Variants in RAB5IF observed in about 807,000 individuals in gnomAD.
The protein encoded by RAB5IF is GEL complex subunit OPTI.
A neutral mutation model predicts 20.3 loss-of-function variants in RAB5IF; 15 were observed. That is an observed-to-expected ratio of 0.74 (90% CI 0.50 to 1.14). RAB5IF has a LOEUF of 1.14. RAB5IF is among the 50% of genes most tolerant of loss of function. The pLI is 0.00. For synonymous variants in RAB5IF, 67 were observed against 63.7 expected, an observed-to-expected ratio of 1.05 and a Z score of -0.25; for missense variants, 148 against 159.5, an observed-to-expected ratio of 0.93 and a Z score of 0.39.
intron 3 of RAB5IF, among the ~76,000 whole-genome samples, chr20:36,610,044 A>T (rs1394472437): frequency 6.6e-6 from 1 of 152,234 alleles, no homozygotes; most frequent in Non-Finnish European, 1.5e-5. Context: ...GCATTTTGGG[A>T]GGGCAAGGCA....
chr20:36,609,662 G>A lies in RAB5IF; in HGVS notation c.280G>A (p.Glu94Lys). The change falls in exon 3 of 4, where the codon GAG becomes AAG. Residue 94 changes from glutamate to lysine, a missense_variant. Transcript: ENST00000344795. ...LYFSNYLQID[E>K]EEYGGTWELT... Reference sequence around the variant, plus strand: ...CTTCAGCAATTACCTACAGATTGATGAGGAAGAATATGGTGGCACGTGGGA... The same window carrying A: ...CTTCAGCAATTACCTACAGATTGATAAGGAAGAATATGGTGGCACGTGGGA... 6.2e-7 allele frequency: 1 copy of A among 1,613,928 alleles called. No homozygotes were observed. The highest frequency in any genetic ancestry group is 8.5e-7 in the Non-Finnish European group (1 of 1,179,866).
chr20:36,611,074 C>CT (rs759187268), intron 3 of RAB5IF, among the ~76,000 whole-genome samples: 14 of 152,190 alleles, frequency 9.2e-5, no homozygotes, highest in Non-Finnish European at 1.9e-4. Flanking sequence ...ACTGCAGCCT[C>CT]TGCCTCCCAT....
intron 2 of RAB5IF, among the ~76,000 whole-genome samples, chr20:36,608,556 CTT>C (rs34058641): frequency 7.6e-4 from 80 of 104,872 alleles, no homozygotes; most frequent in African/African-American, 1.6e-3. Flanking sequence ...CGGTCTCATT[CTT>C]TTTTTTTTTT....
intron 2 of RAB5IF, 91 bp downstream of exon 2, chr20:36,607,909 G>A (rs771009540): frequency 2.7e-5 from 43 of 1,570,840 alleles, no homozygotes. Context: ...TTGCTGCTCT[G>A]GAGCTGTGTG....
intron 2 of RAB5IF, among the ~76,000 whole-genome samples, chr20:36,609,156 T>TACATACATATACAC: frequency 1.2e-4 from 2 of 17,064 alleles, no homozygotes; most frequent in African/African-American, 4.9e-4. Flanking sequence ...AGAACTATAT[T>TACATACATATACAC]ACACACACAC....
In RAB5IF at chr20:36,609,220, C is replaced by T. The variant is rs1323608733; in HGVS notation, c.219-381C>T. 3.6e-3 allele frequency among the ~76,000 whole-genome samples: 364 copies of T among 99,846 alleles called. 14 individuals are homozygous for T. Among genetic ancestry groups the T allele is most frequent in the African/African-American group, 0.015 (319 of 20,606 alleles). 65.5% of individuals were successfully genotyped at this position (99,846 alleles called of 152,430 possible). A position where few individuals can be genotyped will look rare whatever the true frequency, so the allele number is the denominator to read the frequency against. ...GCACACACGCACACACGCACACACG[C>T]ACACACACACACACACACACACACA... is the stretch of plus-strand genomic sequence containing the variant. On this transcript the variant is annotated intron_variant, in intron 2 of 3. Coordinates refer to ENST00000344795, the MANE Select transcript of RAB5IF (RefSeq NM_018840.5).
At chr20:36,609,248 C>T (rs1028725462) in intron 2 of RAB5IF, among the ~76,000 whole-genome samples, 196 of 135,164 alleles carry the variant, frequency 1.5e-3, no homozygotes, top group African/African-American at 6.0e-3. Context: ...CACACACACA[C>T]ACACACACTA....
chr20:36,607,852 C>T (rs764818142), intron 2 of RAB5IF, 34 bp downstream of exon 2: 2 of 1,611,188 alleles, frequency 1.2e-6, no homozygotes, highest in South Asian at 2.2e-5. Context: ...TTCATGGTAT[C>T]ATTTCTTTTT....
chr20:36,610,021 G>A (rs1370659536), intron 3 of RAB5IF, among the ~76,000 whole-genome samples: 2 of 152,202 alleles, frequency 1.3e-5, no homozygotes. Flanking sequence ...GGTGGCTCAC[G>A]CCTGTAATCC....
chr20:36,609,156 TACACACACACACACACACAC>T (rs765034845), intron 2 of RAB5IF, among the ~76,000 whole-genome samples: 2 of 17,052 alleles, frequency 1.2e-4, no homozygotes, highest in Non-Finnish European at 2.3e-4. Context: ...AGAACTATAT[TACACACACACACACACACAC>T]ACACACACAC....
Position 36,605,784 on chromosome 20 carries a change from G to T in RAB5IF, c.-168G>T. On this transcript the variant is annotated 5_prime_UTR_variant, in exon 1 of 4. Transcript: ENST00000344795. ...CCCTTCGCGGCGCCTGCTCTGTAGA[G>T]CCGGCGGAACCGGGTAGCTTGGCCA... is the stretch of plus-strand genomic sequence containing the variant. 2.5e-6 allele frequency: 1 copy of T among 395,952 alleles called. No homozygotes were observed. Among genetic ancestry groups the T allele is most frequent in the Non-Finnish European group, 4.5e-6 (1 of 224,464 alleles). 24.5% of individuals were successfully genotyped at this position (395,952 alleles called of 1,614,324 possible). A position where few individuals can be genotyped will look rare whatever the true frequency, so the allele number is the denominator to read the frequency against.
At chr20:36,609,255 A>ACACACACACACACACACACACACT (rs1568595802) in intron 2 of RAB5IF, among the ~76,000 whole-genome samples, 1 of 116,434 alleles carries the variant, frequency 8.6e-6, no homozygotes, top group Non-Finnish European at 1.8e-5. Context: ...ACACACACAC[A>ACACACACACACACACACACACACT]CTATATATAG....
At chr20:36,611,429 C>G (rs555354956) in intron 3 of RAB5IF, among the ~76,000 whole-genome samples, 59 of 140,552 alleles carry the variant, frequency 4.2e-4, no homozygotes, top group African/African-American at 1.5e-3. Context: ...AAACCCATCT[C>G]TACAGGGGAA....
chr20:36,609,705 T>C lies in RAB5IF; in HGVS notation c.323T>C (p.Phe108Ser). ...ACGTGGGAGCTCACGAAGGAAGGGT[T>C]TATGACCTCTTTTGCCTTGTTCATG... is the stretch of plus-strand genomic sequence containing the variant. ...GGTWELTKEG[F>S]MTSFALFMVI... Residue 108 changes from phenylalanine (F) to serine (S), a missense_variant, in exon 3 of 4, where the codon TTT (phenylalanine) becomes TCT (serine). Coordinates refer to ENST00000344795, the MANE Select transcript of RAB5IF (RefSeq NM_018840.5). The C allele has an allele frequency of 6.2e-7, 1 of 1,614,204 alleles. No individual in the cohort carries two copies. Among genetic ancestry groups the C allele is most frequent in the Non-Finnish European group, 8.5e-7 (1 of 1,180,032 alleles).
In RAB5IF at chr20:36,609,237, ACACACACACACACACACAC is replaced by A. The variant is rs1568595706; in HGVS notation, c.219-363_219-345del. Among the ~76,000 whole-genome samples, 262 of 130,558 alleles carry A rather than the reference ACACACACACACACACACAC, an allele frequency of 2.0e-3. 2 individuals are homozygous for A. Among genetic ancestry groups the A allele is most frequent in the African/African-American group, 8.4e-3 (253 of 30,118 alleles). 85.7% of individuals were successfully genotyped at this position (130,558 alleles called of 152,430 possible). The stretch of plus-strand genomic sequence containing the variant: ...CACACACGCACACACACACACACAC[ACACACACACACACACACAC>A]TATATATAGAGTTTCGCTGTTGCCC... On this transcript the variant is annotated intron_variant, in intron 2 of 3. Transcript: ENST00000344795.
At chr20:36,609,219 GCACACACACACA>G (rs1555790838) in intron 2 of RAB5IF, among the ~76,000 whole-genome samples, 1 of 42,774 alleles carries the variant, frequency 2.3e-5, no homozygotes, top group Non-Finnish European at 4.4e-5. Context: ...ACGCACACAC[GCACACACACACA>G]CACACACACA....
Position 36,612,458 on chromosome 20 carries a change from T to G in RAB5IF, c.*407T>G, listed in dbSNP as rs981840256. The G allele has an allele frequency of 2.1e-5, 12 of 575,196 alleles. No individual in the cohort carries two copies. The highest frequency in any genetic ancestry group is 4.6e-4 in the Middle Eastern group (1 of 2,158). The allele number at this position is 575,196 out of a possible 1,614,324, so 35.6% of individuals were successfully genotyped here. On this transcript the variant is annotated 3_prime_UTR_variant, in exon 4 of 4. Coordinates refer to ENST00000344795, the MANE Select transcript of RAB5IF (RefSeq NM_018840.5). ...CAAGTCTTCTGAAACAGCATGGCTG[T>G]ATGTGCGTGGTCCATAGCACAGTAC...
intron 2 of RAB5IF, among the ~76,000 whole-genome samples, chr20:36,609,183 A>ACACACACACACC (rs2039021235): frequency 2.3e-5 from 1 of 43,852 alleles, no homozygotes; most frequent in Non-Finnish European, 4.4e-5. Context: ...ACACACACAC[A>ACACACACACACC]CACACACACA....
At chr20:36,609,247 A>ACACACACACACACACC in intron 2 of RAB5IF, among the ~76,000 whole-genome samples, 1 of 134,188 alleles carries the variant, frequency 7.5e-6, no homozygotes, top group Admixed American at 7.3e-5. Context: ...ACACACACAC[A>ACACACACACACACACC]CACACACACT....
Sources: allele counts gnomAD v4.1 joint callset (sites outside exome capture counted in the v4.1 genomes callset), GRCh38; gene constraint gnomAD v4.1.1; transcripts MANE v1.5; gene names NCBI Gene and HGNC (gene_info 2026-07-23, HGNC 2026-07-21).